The following EPHA6 variants were observed in gnomAD, a reference collection of about 807,000 sequenced individuals.
EPHA6 encodes the protein ephrin type-A receptor 6.
In EPHA6, 50 loss-of-function variants were observed where a neutral mutation model predicts 112.0. The observed-to-expected ratio is 0.45, with a 90% CI of 0.36 to 0.56. EPHA6 has a LOEUF of 0.56. Ranked by LOEUF, EPHA6 falls within the 20% of genes least tolerant of loss-of-function variation. The pLI is 0.00. For synonymous variants in EPHA6, 529 were observed against 490.7 expected (o/e 1.08, Z -1.03); for missense variants, 1,280 against 1,417.4 (o/e 0.90, Z 1.56).
At chr3:97,281,234 C>T (rs574117704) in intron 5 of EPHA6, among the ~76,000 whole-genome samples, 26 of 144,478 alleles carry the variant, frequency 1.8e-4, no homozygotes, top group African/African-American at 2.5e-4. Context: ...TGTGTGCGCG[C>T]GTGTGTGCAT....
In EPHA6 at chr3:96,982,420, C is replaced by G. The variant is rs944399025; in HGVS notation, c.451-4910C>G. Among the ~76,000 whole-genome samples, 3 of 152,016 alleles carry G rather than the reference C, an allele frequency of 2.0e-5. No individual in the cohort carries two copies. The South Asian group carries it at 6.2e-4, about 31-fold the overall frequency. ...TTTGATTGCACTGTGGTCTGAGAGA[C>G]AGTTTGTTATAATTTCTGTTCTTTT... On this transcript the variant is annotated intron_variant, in intron 2 of 17. Coordinates refer to ENST00000389672, the MANE Select transcript of EPHA6 (RefSeq NM_001080448.3).
At chr3:97,740,794 T>C (rs923995674) in intron 16 of EPHA6, among the ~76,000 whole-genome samples, 8 of 152,172 alleles carry the variant, frequency 5.3e-5, no homozygotes, top group African/African-American at 1.9e-4. Flanking sequence ...TTTCTACTTA[T>C]TTTGAGAAGA....
At chr3:97,524,192 AT>A (rs1195694494) in intron 10 of EPHA6, among the ~76,000 whole-genome samples, 3 of 151,546 alleles carry the variant, frequency 2.0e-5, no homozygotes, top group Non-Finnish European at 4.4e-5. Context: ...TTTCTTTGTG[AT>A]TTGTGTATTT....
At chr3:97,727,583 TATGTA>T (rs996561306) in intron 15 of EPHA6, among the ~76,000 whole-genome samples, 5 of 152,030 alleles carry the variant, frequency 3.3e-5, no homozygotes, top group African/African-American at 9.7e-5. Context: ...TCTACTTTAT[TATGTA>T]ATGGTCCTTG....
chr3:97,563,497 T>G (rs558407332), intron 11 of EPHA6, among the ~76,000 whole-genome samples: 6 of 152,310 alleles, frequency 3.9e-5, no homozygotes, highest in African/African-American at 1.2e-4. Context: ...AGAGTTAGGA[T>G]GTAAAATTTT....
chr3:97,576,519 G>A (rs2093387137), intron 11 of EPHA6, among the ~76,000 whole-genome samples: 1 of 152,132 alleles, frequency 6.6e-6, no homozygotes, highest in Admixed American at 6.5e-5. Flanking sequence ...CTTGTATTTT[G>A]GGGGTTAGTG....
At chr3:97,339,284 G>C (rs1457746482) in intron 5 of EPHA6, among the ~76,000 whole-genome samples, 1 of 152,132 alleles carries the variant, frequency 6.6e-6, no homozygotes, top group Non-Finnish European at 1.5e-5. Context: ...TAAAGTTCCA[G>C]CACACTTCAT....
chr3:97,382,865 A>C (rs2085833981), intron 5 of EPHA6, among the ~76,000 whole-genome samples: 1 of 152,044 alleles, frequency 6.6e-6, no homozygotes, highest in African/African-American at 2.4e-5. Flanking sequence ...TTGAGAAAAA[A>C]GAAAGTAGTA....
At chr3:97,739,586 A>C (rs1282718973) in intron 16 of EPHA6, among the ~76,000 whole-genome samples, 2 of 152,166 alleles carry the variant, frequency 1.3e-5, no homozygotes, top group Non-Finnish European at 2.9e-5. Flanking sequence ...CAAAGGTCAG[A>C]GTACCTAAAT....
At chr3:97,650,188 CTGTT>C (rs1180540128) in intron 14 of EPHA6, among the ~76,000 whole-genome samples, 2 of 152,096 alleles carry the variant, frequency 1.3e-5, no homozygotes, top group Non-Finnish European at 2.9e-5. Context: ...TCTCCAATAA[CTGTT>C]TGAGGTGTGA....
chr3:97,497,650 T>C (rs1200965967), intron 10 of EPHA6, among the ~76,000 whole-genome samples: 1 of 152,192 alleles, frequency 6.6e-6, no homozygotes, highest in Non-Finnish European at 1.5e-5. Context: ...TTTTAATTAA[T>C]GGATATAGAA....
intron 15 of EPHA6, among the ~76,000 whole-genome samples, chr3:97,734,301 A>C (rs992742271): frequency 2.8e-4 from 43 of 151,986 alleles, no homozygotes; most frequent in African/African-American, 1.0e-3. Context: ...ATTCTATGCT[A>C]TTTCTCTTAG....
Position 97,431,729 on chromosome 3 carries a change from CA to C in EPHA6, c.1732-16838del, listed in dbSNP as rs1214491495. On this transcript the variant is annotated intron_variant, in intron 6 of 17. Transcript: ENST00000389672. ...CAGCATTTTTCTTTCTCATGTTTAA[CA>C]CGTTTATACTTTTAAAAGACCACCA... Among the ~76,000 whole-genome samples, 18 of 152,136 alleles carry C rather than the reference CA, an allele frequency of 1.2e-4. No homozygotes were observed. In the East Asian group the frequency reaches 3.5e-3, roughly 29 times the overall value.
At chr3:97,456,791 T>C (rs2090702573) in intron 7 of EPHA6, among the ~76,000 whole-genome samples, 1 of 152,172 alleles carries the variant, frequency 6.6e-6, no homozygotes, top group Non-Finnish European at 1.5e-5. Flanking sequence ...GATTTTTTTT[T>C]CTATCAGCCA....
intron 10 of EPHA6, among the ~76,000 whole-genome samples, chr3:97,496,550 C>A (rs2091981990): frequency 6.6e-6 from 1 of 152,024 alleles, no homozygotes; most frequent in Admixed American, 6.6e-5. Context: ...TTACAAATAA[C>A]CCTTTATATT....
chr3:97,202,307 A>T (rs2108499599), intron 3 of EPHA6, among the ~76,000 whole-genome samples: 1 of 152,116 alleles, frequency 6.6e-6, no homozygotes, highest in South Asian at 2.1e-4. Context: ...TGGTAGGGGC[A>T]TCCTAAGGGT....
At chr3:97,230,036 A>G (rs1414481659) in intron 4 of EPHA6, among the ~76,000 whole-genome samples, 2 of 152,164 alleles carry the variant, frequency 1.3e-5, no homozygotes, top group African/African-American at 4.8e-5. Context: ...AGTATTATAT[A>G]TAGTATGGAC....
At chr3:97,148,773 A>C (rs1010154496) in intron 3 of EPHA6, among the ~76,000 whole-genome samples, 1 of 152,028 alleles carries the variant, frequency 6.6e-6, no homozygotes, top group Non-Finnish European at 1.5e-5. Flanking sequence ...ATATTTAAAA[A>C]CCCCTCACAG....
chr3:97,636,597 C>A (rs1249655053), intron 13 of EPHA6, among the ~76,000 whole-genome samples: 1 of 151,944 alleles, frequency 6.6e-6, no homozygotes, highest in Non-Finnish European at 1.5e-5. Flanking sequence ...TAGAGCAAGA[C>A]AAAGTTTATT....
Sources: gnomAD v4.1 joint callset for allele counts (sites outside exome capture counted in the v4.1 genomes callset) on GRCh38, gnomAD v4.1.1 for gene constraint, MANE v1.5 for transcripts, NCBI Gene and HGNC (gene_info 2026-07-23, HGNC 2026-07-21) for gene names.